The following SLC35F1 variants were observed in gnomAD, a reference collection of about 807,000 sequenced individuals.
SLC35F1 encodes the protein solute carrier family 35 member F1.
A neutral mutation model predicts 48.7 loss-of-function variants in SLC35F1; 14 were observed. That is an observed-to-expected ratio of 0.29 (90% CI 0.19 to 0.45). SLC35F1 has a LOEUF of 0.45. Ranked by LOEUF, SLC35F1 falls within the 20% of genes least tolerant of loss-of-function variation. The pLI is 1.00. For missense variants in SLC35F1, 404 were observed against 500.0 expected (o/e 0.81, Z 1.83); for synonymous variants, 190 against 202.2 (o/e 0.94, Z 0.51).
intron 1 of SLC35F1, among the ~76,000 whole-genome samples, chr6:118,080,791 G>A (rs1192044834): frequency 6.6e-6 from 1 of 152,158 alleles, no homozygotes; most frequent in African/African-American, 2.4e-5. Flanking sequence ...GAAACAAGGA[G>A]TTATCCTGTG....
rs543676588 is a variant in SLC35F1, at chr6:118,235,107, G to A, written c.350-402G>A. ...CCAAGCACAAGCCTTTTTCTGTTTG[G>A]TTCTTTCATTTTTATCTATTTTATC... On this transcript the variant is annotated intron_variant, in intron 2 of 7. Coordinates refer to ENST00000360388, the MANE Select transcript of SLC35F1 (RefSeq NM_001029858.4). Among the ~76,000 whole-genome samples the A allele has an allele frequency of 2.6e-5, 4 of 152,168 alleles. No homozygotes were observed. In the East Asian group the frequency reaches 7.7e-4, roughly 29 times the overall value.
At chr6:118,107,450 T>C (rs538214892) in intron 1 of SLC35F1, among the ~76,000 whole-genome samples, 1 of 152,332 alleles carries the variant, frequency 6.6e-6, no homozygotes, top group Admixed American at 6.5e-5. Flanking sequence ...TTCTTCTAGC[T>C]ATTTGTTCCT....
At chr6:117,942,516 G>A (rs1353800127) in intron 1 of SLC35F1, among the ~76,000 whole-genome samples, 1 of 152,114 alleles carries the variant, frequency 6.6e-6, no homozygotes, top group East Asian at 1.9e-4. Context: ...CACTTTTTAT[G>A]TCCATCTTAG....
intron 2 of SLC35F1, among the ~76,000 whole-genome samples, chr6:118,185,154 C>G (rs1026521389): frequency 6.6e-6 from 1 of 152,160 alleles, no homozygotes; most frequent in Non-Finnish European, 1.5e-5. Flanking sequence ...CTCTGAGACC[C>G]GTGTTTCCCC....
intron 3 of SLC35F1, among the ~76,000 whole-genome samples, chr6:118,249,566 GC>G (rs1288169940): frequency 6.6e-6 from 1 of 152,170 alleles, no homozygotes; most frequent in Non-Finnish European, 1.5e-5. Context: ...ACTATGCAAA[GC>G]CTGCTTCCAT....
intron 5 of SLC35F1, among the ~76,000 whole-genome samples, chr6:118,275,972 T>C (rs1244043128): frequency 3.9e-5 from 6 of 152,168 alleles, no homozygotes; most frequent in African/African-American, 7.2e-5. Context: ...AAAAGGAACA[T>C]TCTGTCTACT....
chr6:118,303,224 A>G (rs1225317000), intron 7 of SLC35F1, among the ~76,000 whole-genome samples: 1 of 152,126 alleles, frequency 6.6e-6, no homozygotes, highest in Non-Finnish European at 1.5e-5. Flanking sequence ...ATGATTGTTC[A>G]TTGCTATAAA....
At chr6:118,152,093 T>C (rs2114464135) in intron 1 of SLC35F1, among the ~76,000 whole-genome samples, 1 of 152,270 alleles carries the variant, frequency 6.6e-6, no homozygotes, top group African/African-American at 2.4e-5. Flanking sequence ...AACAAAGAGA[T>C]GCATTCCAGG....
intron 7 of SLC35F1, among the ~76,000 whole-genome samples, chr6:118,306,796 G>A (rs1442929165): frequency 1.3e-5 from 2 of 152,150 alleles, no homozygotes; most frequent in African/African-American, 4.8e-5. Context: ...CAGTTCATCA[G>A]ACCAAGTGAA....
At chr6:118,065,734 C>G (rs4605917) in intron 1 of SLC35F1, among the ~76,000 whole-genome samples, 1 of 151,798 alleles carries the variant, frequency 6.6e-6, no homozygotes, top group East Asian at 1.9e-4. Context: ...ATGCAGATTA[C>G]TTTCATAAAG....
intron 7 of SLC35F1, among the ~76,000 whole-genome samples, chr6:118,297,629 T>TATATATATAAAAAATATATATATA (rs35921195): frequency 5.8e-4 from 22 of 37,840 alleles, no homozygotes; most frequent in African/African-American, 2.6e-3. Context: ...AACTTATATA[T>TATATATATAAAAAATATATATATA]ATATATATAA....
chr6:118,228,872 G>A (rs777235706), intron 2 of SLC35F1, among the ~76,000 whole-genome samples: 1 of 151,832 alleles, frequency 6.6e-6, no homozygotes, highest in African/African-American at 2.4e-5. Context: ...TTTTGTTCTG[G>A]CGTAAAAACA....
At chr6:118,135,863 A>G (rs1773786594) in intron 1 of SLC35F1, among the ~76,000 whole-genome samples, 1 of 152,202 alleles carries the variant, frequency 6.6e-6, no homozygotes, top group African/African-American at 2.4e-5. Flanking sequence ...CCTGTGTTAC[A>G]TAGTTGGAGG....
Position 118,305,538 on chromosome 6 carries a change from GC to G in SLC35F1, c.1003-8489del, listed in dbSNP as rs1397360211. Among the ~76,000 whole-genome samples the G allele has an allele frequency of 2.0e-5, 3 of 152,128 alleles. No homozygotes were observed. In the East Asian group the frequency reaches 5.8e-4, roughly 29 times the overall value. On this transcript the variant is annotated intron_variant, in intron 7 of 7. Coordinates refer to ENST00000360388, the MANE Select transcript of SLC35F1 (RefSeq NM_001029858.4). ...TAAATAAAGACAATAATAATAAGGT[GC>G]TATTTTTGCCTAACATGATATGACT...
intron 7 of SLC35F1, among the ~76,000 whole-genome samples, chr6:118,310,163 G>A (rs912920091): frequency 4.6e-5 from 7 of 152,256 alleles, no homozygotes; most frequent in African/African-American, 1.7e-4. Flanking sequence ...GTTTGCAAAG[G>A]AGAAGACCTC....
At chr6:118,241,713 A>G (rs1775443764) in intron 3 of SLC35F1, among the ~76,000 whole-genome samples, 1 of 151,972 alleles carries the variant, frequency 6.6e-6, no homozygotes, top group South Asian at 2.1e-4. Flanking sequence ...CCTTGGAGCT[A>G]CCCCTGTGAA....
intron 1 of SLC35F1, among the ~76,000 whole-genome samples, chr6:118,090,404 T>G (rs2114342175): frequency 6.6e-6 from 1 of 152,236 alleles, no homozygotes; most frequent in East Asian, 1.9e-4. Flanking sequence ...AAAGAACATA[T>G]AGAAATTCTC....
intron 1 of SLC35F1, among the ~76,000 whole-genome samples, chr6:118,067,560 T>G (rs1024298441): frequency 2.0e-5 from 3 of 152,130 alleles, no homozygotes; most frequent in Non-Finnish European, 2.9e-5. Flanking sequence ...AGCAATATCT[T>G]GGAAGCCAGG....
chr6:118,199,613 A>T (rs541175739), intron 2 of SLC35F1, among the ~76,000 whole-genome samples: 2 of 152,322 alleles, frequency 1.3e-5, no homozygotes, highest in East Asian at 3.9e-4. Flanking sequence ...ACCTCAAATT[A>T]TCCCACATTT....
Sources: allele counts gnomAD v4.1 joint callset (sites outside exome capture counted in the v4.1 genomes callset), GRCh38; gene constraint gnomAD v4.1.1; transcripts MANE v1.5; gene names NCBI Gene and HGNC (gene_info 2026-07-23, HGNC 2026-07-21).